The following NHS variants were observed in gnomAD, a reference collection of about 807,000 sequenced individuals.
NHS encodes the protein NHS actin remodeling regulator, also known as actin remodeling regulator NHS.
Under a neutral mutation model 72.5 loss-of-function variants are expected in NHS, and 5 were observed. That is an observed-to-expected ratio of 0.07 (90% CI 0.04 to 0.14). NHS has a LOEUF of 0.14. Among genes scored for constraint, NHS ranks in the 10% least tolerant of loss-of-function variants. NHS has a pLI of 1.00. For synonymous variants in NHS, 464 were observed against 547.7 expected (o/e 0.85, Z 2.13); for missense variants, 1,072 against 1,355.7 (o/e 0.79, Z 3.29).
intron 1 of NHS, chrX:17,635,660 C>A: frequency 3.7e-6 from 4 of 1,067,082 alleles, no homozygotes; most frequent in Non-Finnish European, 5.1e-6. Flanking sequence ...CTGGGTCTAA[C>A]GAAGAGGGGC....
intron 1 of NHS, among the ~76,000 whole-genome samples, chrX:17,596,888 G>A (rs1464046475): frequency 1.8e-5 from 2 of 111,190 alleles, no homozygotes; most frequent in African/African-American, 6.6e-5. Context: ...GTCCACCTCA[G>A]CTACTGCATC....
At chrX:17,591,271 AG>A (rs2065601635) in intron 1 of NHS, among the ~76,000 whole-genome samples, 1 of 111,628 alleles carries the variant, frequency 9.0e-6, no homozygotes, top group Non-Finnish European at 1.9e-5. Context: ...GGTCGTAGGG[AG>A]GGCACCCTGC....
At chrX:17,619,650 C>A (rs1298709966) in intron 1 of NHS, among the ~76,000 whole-genome samples, 1 of 112,238 alleles carries the variant, frequency 8.9e-6, no homozygotes, top group Non-Finnish European at 1.9e-5. Context: ...GGGGCAGATG[C>A]AACTGTGGAC....
intron 1 of NHS, among the ~76,000 whole-genome samples, chrX:17,518,998 A>T (rs1191010235): frequency 1.8e-5 from 2 of 111,784 alleles, no homozygotes; most frequent in Non-Finnish European, 3.8e-5. Context: ...TCTCTATGTC[A>T]TAGGCTTTTG....
chrX:17,424,918 T>C (rs1379102585), intron 1 of NHS, among the ~76,000 whole-genome samples: 2 of 111,561 alleles, frequency 1.8e-5, no homozygotes, highest in Non-Finnish European at 3.8e-5. Context: ...CTCACGTCTG[T>C]TGACTTTATC....
At chrX:17,680,756 C>T (rs1211492730) in intron 1 of NHS, among the ~76,000 whole-genome samples, 1 of 110,964 alleles carries the variant, frequency 9.0e-6, no homozygotes, top group Non-Finnish European at 1.9e-5. Flanking sequence ...AAAAAAAATA[C>T]AGAAGTCCAA....
chrX:17,378,085 T>TGTGTGTGTGTGTGTGTGTGTGA (rs1491390890), intron 1 of NHS, among the ~76,000 whole-genome samples: 33 of 104,421 alleles, frequency 3.2e-4, no homozygotes, highest in African/African-American at 1.1e-3. Context: ...TGTGTGTGTG[T>TGTGTGTGTGTGTGTGTGTGTGA]GAGACACACC....
At chrX:17,624,568 G>A (rs2065788675) in intron 1 of NHS, among the ~76,000 whole-genome samples, 1 of 113,180 alleles carries the variant, frequency 8.8e-6, no homozygotes, top group Admixed American at 9.3e-5. Flanking sequence ...ACTCTTTTGT[G>A]TCTAGCTTTT....
chrX:17,500,086 A>G (rs1292788839), intron 1 of NHS, among the ~76,000 whole-genome samples: 3 of 112,433 alleles, frequency 2.7e-5, no homozygotes, highest in Middle Eastern at 4.3e-3. Flanking sequence ...TTTAATCTTA[A>G]TCCTGGAATT....
chrX:17,727,879 T>A lies in NHS; in HGVS notation c.3773T>A (p.Ile1258Asn), dbSNP rs1305808288. 1 of 1,210,299 alleles carries A rather than the reference T, an allele frequency of 8.3e-7. No individual in the cohort carries two copies. Among genetic ancestry groups the A allele is most frequent in the Non-Finnish European group, 1.1e-6 (1 of 895,358 alleles). Reference protein sequence around the residue: ...KDQVRTETEPIPENTPTKNCA... With the variant: ...KDQVRTETEPNPENTPTKNCA... Reference sequence around the variant, plus strand: ...CAAGTGCGTACAGAGACTGAGCCTATTCCAGAAAACACGCCAACCAAAAAC... The same window carrying A: ...CAAGTGCGTACAGAGACTGAGCCTAATCCAGAAAACACGCCAACCAAAAAC... Residue 1258 changes from isoleucine to asparagine, a missense_variant, in exon 7 of 9, where the codon ATT becomes AAT. By Grantham distance (149) the Ile-to-Asn change is moderately radical (BLOSUM62 -3). Transcript: ENST00000676302.
At position 17,719,393 on chromosome X, in the gene NHS, C is replaced by T. The variant is rs1469174593; in HGVS notation, c.902C>T (p.Pro301Leu). Reference protein sequence around the residue: ...PSPTECCHMTPWSRKSHPPED... With the variant: ...PSPTECCHMTLWSRKSHPPED... ...CCCACTGAATGTTGCCACATGACCC[C>T]GTGGAGTAGAAAGGTATTGGTTCTG... is the stretch of plus-strand genomic sequence containing the variant. Residue 301 changes from proline to leucine, a missense_variant, in exon 4 of 9, where the codon CCG becomes CTG. Physicochemically the swap from Pro to Leu is moderately conservative, Grantham distance 98 (BLOSUM62 -3). Transcript: ENST00000676302. The T allele has an allele frequency of 4.3e-6, 5 of 1,162,834 alleles. No homozygotes were observed. Among genetic ancestry groups the T allele is most frequent in the South Asian group, 1.9e-5 (1 of 52,411 alleles).
At chrX:17,392,935 G>A (rs1231433520) in intron 1 of NHS, among the ~76,000 whole-genome samples, 1 of 111,850 alleles carries the variant, frequency 8.9e-6, no homozygotes, top group Non-Finnish European at 1.9e-5. Context: ...GCCTGTTTTG[G>A]AATCATATAG....
At chrX:17,394,041 A>C (rs2064459896) in intron 1 of NHS, among the ~76,000 whole-genome samples, 1 of 110,957 alleles carries the variant, frequency 9.0e-6, no homozygotes, top group Non-Finnish European at 1.9e-5. Flanking sequence ...AGGGTCCCTC[A>C]CTGTTTGGTT....
intron 1 of NHS, among the ~76,000 whole-genome samples, chrX:17,412,751 C>T (rs1031671352): frequency 1.1e-4 from 12 of 112,629 alleles, no homozygotes; most frequent in African/African-American, 3.2e-4. Flanking sequence ...CAAACTTGAA[C>T]AATGTTTGCA....
At chrX:17,661,167 G>A (rs1215314491) in intron 1 of NHS, among the ~76,000 whole-genome samples, 1 of 111,926 alleles carries the variant, frequency 8.9e-6, no homozygotes, top group African/African-American at 3.3e-5. Context: ...TTTTTAAAAG[G>A]TATCAATACC....
At chrX:17,504,152 T>G (rs1056154657) in intron 1 of NHS, among the ~76,000 whole-genome samples, 2 of 112,250 alleles carry the variant, frequency 1.8e-5, no homozygotes, top group Non-Finnish European at 3.8e-5. Flanking sequence ...AGCATTTTAT[T>G]AGCATCCCCT....
At chrX:17,601,242 G>A (rs995104234) in intron 1 of NHS, among the ~76,000 whole-genome samples, 44 of 111,796 alleles carry the variant, frequency 3.9e-4, no homozygotes, top group African/African-American at 1.4e-3. Flanking sequence ...CAGCAGGTTT[G>A]ATGGATGAAT....
intron 1 of NHS, among the ~76,000 whole-genome samples, chrX:17,647,376 G>A (rs1440035721): frequency 8.9e-6 from 1 of 112,322 alleles, no homozygotes; most frequent in Non-Finnish European, 1.9e-5. Context: ...TACAGTCAAG[G>A]TTGAGAACAC....
intron 1 of NHS, among the ~76,000 whole-genome samples, chrX:17,541,449 T>C (rs1007569342): frequency 1.8e-5 from 2 of 112,177 alleles, no homozygotes; most frequent in Non-Finnish European, 3.8e-5. Flanking sequence ...AACAGCTTAG[T>C]AACATACTGG....
Sources: gnomAD v4.1 joint callset for allele counts (sites outside exome capture counted in the v4.1 genomes callset) on GRCh38, gnomAD v4.1.1 for gene constraint, MANE v1.5 for transcripts, NCBI Gene and HGNC (gene_info 2026-07-23, HGNC 2026-07-21) for gene names.